TRIM13: variants seen among roughly 807,000 people sequenced by gnomAD.
The protein encoded by TRIM13 is tripartite motif containing 13.
In TRIM13, 15 loss-of-function variants were observed where a neutral mutation model predicts 27.1. That is an observed-to-expected ratio of 0.55 (90% CI 0.37 to 0.85). The LOEUF (loss-of-function observed/expected upper bound fraction) is 0.85. TRIM13 is among the 40% of genes least tolerant of loss of function. The pLI is 0.00. For synonymous variants in TRIM13, 193 were observed against 171.5 expected (o/e 1.13, Z -0.98); for missense variants, 402 against 472.2 (o/e 0.85, Z 1.38).
In TRIM13 at chr13:50,012,841, C is replaced by T; in HGVS notation, c.901C>T (p.Gln301Ter). 6.2e-7 allele frequency: 1 copy of T among 1,614,086 alleles called. No individual in the cohort carries two copies. Among genetic ancestry groups the T allele is most frequent in the Non-Finnish European group, 8.5e-7 (1 of 1,179,990 alleles). Residue 301 changes from glutamine to a stop codon, truncating the protein, a stop_gained, in exon 2 of 2, where the codon CAA becomes TAA. Coordinates refer to ENST00000378182, the MANE Select transcript of TRIM13 (RefSeq NM_213590.3). LOFTEE classifies it high-confidence loss of function. ...LVDVDKLSLPQDTGTFISKIP... is the reference protein window; with the variant it reads ...LVDVDKLSLP ...CGATGTGGATAAACTTTCTTTGCCT[C>T]AAGACACTGGCACATTCATTAGCAA...
chr13:50,000,570 T>TG (rs1327444405), intron 1 of TRIM13, among the ~76,000 whole-genome samples: 1 of 152,150 alleles, frequency 6.6e-6, no homozygotes, highest in Non-Finnish European at 1.5e-5. Flanking sequence ...CATATCATGA[T>TG]GGGGGAAAGG....
At chr13:50,003,581 TAA>T (rs1566433744) in intron 1 of TRIM13, among the ~76,000 whole-genome samples, 1 of 152,214 alleles carries the variant, frequency 6.6e-6, no homozygotes, top group Non-Finnish European at 1.5e-5. Flanking sequence ...TACATATATA[TAA>T]ACTCTATTAT....
chr13:50,014,137 T>G lies in TRIM13; in HGVS notation c.*973T>G, dbSNP rs1876015640. On this transcript the variant is annotated 3_prime_UTR_variant, in exon 2 of 2. Transcript: ENST00000378182. ...ACCAAAGATGATCAACTAGAAATGT[T>G]AAGTGGCTATGCAAGCAAAAGCATA... 1 of 165,374 alleles carries G rather than the reference T, an allele frequency of 6.0e-6. No individual in the cohort carries two copies. The highest frequency in any genetic ancestry group is 6.7e-5 in the Admixed American group (1 of 15,008). 10.2% of individuals were successfully genotyped at this position (165,374 alleles called of 1,614,324 possible). A position where few individuals can be genotyped will look rare whatever the true frequency, so the allele number is the denominator to read the frequency against.
chr13:50,004,588 C>A (rs913173315), intron 1 of TRIM13, among the ~76,000 whole-genome samples: 4 of 151,868 alleles, frequency 2.6e-5, no homozygotes. Flanking sequence ...CATAATGAAA[C>A]CCTGTCTCTA....
chr13:50,013,211 A>G lies in TRIM13; in HGVS notation c.*47A>G. The G allele has an allele frequency of 6.7e-7, 1 of 1,493,240 alleles. No individual in the cohort carries two copies. Among genetic ancestry groups the G allele is most frequent in the Non-Finnish European group, 8.9e-7 (1 of 1,119,268 alleles). The allele number at this position is 1,493,240 out of a possible 1,614,324, so 92.5% of individuals were successfully genotyped here. A position where few individuals can be genotyped will look rare whatever the true frequency, so the allele number is the denominator to read the frequency against. On this transcript the variant is annotated 3_prime_UTR_variant, in exon 2 of 2. Transcript: ENST00000378182. Reference sequence around the variant, plus strand: ...TTTCTTTTGTTAGAAATTGTTAGAGAATAGAGAGTGGTAATTCAGATTTGG... The same window carrying G: ...TTTCTTTTGTTAGAAATTGTTAGAGGATAGAGAGTGGTAATTCAGATTTGG...
chr13:50,015,084 AAAAAAAAAAAATAT>A lies in TRIM13; in HGVS notation c.*1922_*1935del, dbSNP rs1876227844. Reference sequence around the variant, plus strand: ...TTTCCCCTCCCAGTAATAAAAAAAAAAAAAAAAAAAATATATATATATATATATATATATATATA... The same window carrying A: ...TTTCCCCTCCCAGTAATAAAAAAAAAATATATATATATATATATATATATA... On this transcript the variant is annotated 3_prime_UTR_variant, in exon 2 of 2. Coordinates refer to ENST00000378182, the MANE Select transcript of TRIM13 (RefSeq NM_213590.3). The A allele has an allele frequency of 5.5e-5, 3 of 54,736 alleles. No homozygotes were observed. Among genetic ancestry groups the A allele is most frequent in the African/African-American group, 1.9e-4 (2 of 10,662 alleles). The allele number at this position is 54,736 out of a possible 1,614,324, so 3.4% of individuals were successfully genotyped here.
intron 1 of TRIM13, among the ~76,000 whole-genome samples, chr13:50,005,440 G>A (rs1197200332): frequency 2.0e-5 from 3 of 151,756 alleles, no homozygotes; most frequent in Non-Finnish European, 4.4e-5. Context: ...TTGGGAGGCC[G>A]AGGCGGGTGG....
In TRIM13 at chr13:50,017,921, C is replaced by G. The variant is rs190327886; in HGVS notation, c.*4757C>G. On this transcript the variant is annotated 3_prime_UTR_variant, in exon 2 of 2. Coordinates refer to ENST00000378182, the MANE Select transcript of TRIM13 (RefSeq NM_213590.3). ...ATTCACTTTATTCAGTTTGTTCTAT[C>G]AATATGATTTACCCCTCAAGGTTAA... 110 of 167,112 alleles carry G rather than the reference C, an allele frequency of 6.6e-4. 1 individual carries two copies. The highest frequency in any genetic ancestry group is 2.5e-3 in the African/African-American group (104 of 41,554). The allele number at this position is 167,112 out of a possible 1,614,324, so 10.4% of individuals were successfully genotyped here.
At chr13:50,002,195 C>T (rs1594559739) in intron 1 of TRIM13, among the ~76,000 whole-genome samples, 1 of 152,116 alleles carries the variant, frequency 6.6e-6, no homozygotes, top group East Asian at 1.9e-4. Context: ...TTGAGTCCAG[C>T]CTGGCCAACA....
chr13:49,998,314 G>T (rs532942347), intron 1 of TRIM13, among the ~76,000 whole-genome samples: 16 of 152,150 alleles, frequency 1.1e-4, no homozygotes, highest in African/African-American at 3.9e-4. Flanking sequence ...GGGCTGTTCT[G>T]TTCATTCTAT....
Position 50,014,514 on chromosome 13 carries a change from T to C in TRIM13, c.*1350T>C, listed in dbSNP as rs1876132814. Reference sequence around the variant, plus strand: ...GATGGCAAGTGTACAACCAAACCAATCCACTTGCTTACAGAAAGAATGTTT... The same window carrying C: ...GATGGCAAGTGTACAACCAAACCAACCCACTTGCTTACAGAAAGAATGTTT... On this transcript the variant is annotated 3_prime_UTR_variant, in exon 2 of 2. Coordinates refer to ENST00000378182, the MANE Select transcript of TRIM13 (RefSeq NM_213590.3). 1 of 165,978 alleles carries C rather than the reference T, an allele frequency of 6.0e-6. No individual in the cohort carries two copies. Among genetic ancestry groups the C allele is most frequent in the African/African-American group, 2.4e-5 (1 of 41,076 alleles). The allele number at this position is 165,978 out of a possible 1,614,324, so 10.3% of individuals were successfully genotyped here.
At chr13:50,011,735 A>C (rs1032639556) in intron 1 of TRIM13, among the ~76,000 whole-genome samples, 200 bp from the exon 2 acceptor site, 8 of 152,216 alleles carry the variant, frequency 5.3e-5, no homozygotes, top group African/African-American at 1.9e-4. Context: ...AGGATGCCCT[A>C]CTATTAAAGG....
intron 1 of TRIM13, among the ~76,000 whole-genome samples, chr13:49,999,309 TCAC>T (rs1873720152): frequency 6.6e-6 from 1 of 152,084 alleles, no homozygotes; most frequent in Non-Finnish European, 1.5e-5. Context: ...CCTATGTAAA[TCAC>T]CACCTCCTCA....
intron 1 of TRIM13, among the ~76,000 whole-genome samples, chr13:49,999,328 C>T (rs1873725644): frequency 6.6e-6 from 1 of 152,110 alleles, no homozygotes; most frequent in Non-Finnish European, 1.5e-5. Context: ...CCTCAAGCCT[C>T]TGTACAAAAT....
At position 49,997,435 on chromosome 13, in the gene TRIM13, C is replaced by G. The variant is rs1312910769; in HGVS notation, c.-335C>G. On this transcript the variant is annotated 5_prime_UTR_variant, in exon 1 of 2. Coordinates refer to ENST00000378182, the MANE Select transcript of TRIM13 (RefSeq NM_213590.3). ...TCCACATCCCCTAGAAAAGAAAAGA[C>G]GGGTGTGGGCCTTAGGTTACAGCGC... 1 of 152,104 alleles carries G rather than the reference C, an allele frequency of 6.6e-6. No homozygotes were observed. The highest frequency in any genetic ancestry group is 1.5e-5 in the Non-Finnish European group (1 of 68,050). The allele number at this position is 152,104 out of a possible 1,614,324, so 9.4% of individuals were successfully genotyped here. A position where few individuals can be genotyped will look rare whatever the true frequency, so the allele number is the denominator to read the frequency against.
chr13:50,006,959 T>C (rs1874799813), intron 1 of TRIM13, among the ~76,000 whole-genome samples: 1 of 151,492 alleles, frequency 6.6e-6, no homozygotes, highest in Non-Finnish European at 1.5e-5. Context: ...GGTGGGCGGA[T>C]CACCCGAGGT....
rs201688172 is a variant in TRIM13 at position 50,013,074 on chromosome 13, G to A, written c.1134G>A (p.Gly378=). Residue 378 remains glycine, a synonymous_variant, in exon 2 of 2, where the codon GGG becomes GGA. Coordinates refer to ENST00000378182, the MANE Select transcript of TRIM13 (RefSeq NM_213590.3). ...TTTACTGGGAACAGGTGACAGATGG[G>A]TTTTTCATTTTCAATGAAAGATTCA... ...SVFYWEQVTD[G]FFIFNERFKN... is the part of the protein sequence containing the mutation. 106 of 1,613,274 alleles carry A rather than the reference G, an allele frequency of 6.6e-5. No individual in the cohort carries two copies. The highest frequency in any genetic ancestry group is 1.7e-4 in the Admixed American group (10 of 59,884).
chr13:50,013,270 G>A lies in TRIM13; in HGVS notation c.*106G>A. 2 of 1,181,126 alleles carry A rather than the reference G, an allele frequency of 1.7e-6. No homozygotes were observed. Among genetic ancestry groups the A allele is most frequent in the South Asian group, 1.8e-5 (1 of 56,118 alleles). 73.2% of individuals were successfully genotyped at this position (1,181,126 alleles called of 1,614,324 possible). A position where few individuals can be genotyped will look rare whatever the true frequency, so the allele number is the denominator to read the frequency against. ...TCTAGTCACATATTTTCCTCCAAAAGTATTCCTTCCAAAAATAATCTATAC... is the reference window on the plus strand; with the variant it reads ...TCTAGTCACATATTTTCCTCCAAAAATATTCCTTCCAAAAATAATCTATAC... On this transcript the variant is annotated 3_prime_UTR_variant, in exon 2 of 2. Transcript: ENST00000378182.
At chr13:50,006,004 C>T (rs1054979819) in intron 1 of TRIM13, among the ~76,000 whole-genome samples, 1 of 151,842 alleles carries the variant, frequency 6.6e-6, no homozygotes, top group Non-Finnish European at 1.5e-5. Flanking sequence ...CGTAAACCAC[C>T]GCGCTTGGCC....
Sources: gnomAD v4.1 joint callset for allele counts (sites outside exome capture counted in the v4.1 genomes callset) on GRCh38, gnomAD v4.1.1 for gene constraint, MANE v1.5 for transcripts, NCBI Gene and HGNC (gene_info 2026-07-23, HGNC 2026-07-21) for gene names.